The following TAB2 variants were observed in gnomAD, a reference collection of about 807,000 sequenced individuals.
TAB2 encodes the protein TGF-beta activated kinase 1 (MAP3K7) binding protein 2.
Under a neutral mutation model 65.0 loss-of-function variants are expected in TAB2, and 3 were observed. The observed-to-expected ratio is 0.05, with a 90% CI of 0.02 to 0.12. TAB2 has a LOEUF of 0.12. TAB2 is among the 10% of genes least tolerant of loss of function. TAB2 has a pLI of 1.00. For synonymous variants in TAB2, 298 were observed against 285.1 expected (o/e 1.05, Z -0.46); for missense variants, 623 against 840.3 (o/e 0.74, Z 3.20).
At chr6:149,282,991 C>A (rs1419772369) in intron 1 of TAB2, among the ~76,000 whole-genome samples, 1 of 152,116 alleles carries the variant, frequency 6.6e-6, no homozygotes, top group Non-Finnish European at 1.5e-5. Context: ...ATTCTTTAAA[C>A]CTTTCACGAA....
intron 3 of TAB2, among the ~76,000 whole-genome samples, chr6:149,381,748 A>AT (rs900180294): frequency 7.3e-5 from 11 of 150,886 alleles, no homozygotes; most frequent in Non-Finnish European, 1.0e-4. Context: ...AACTTTTTGT[A>AT]TTTTTTTGCA....
intron 2 of TAB2, among the ~76,000 whole-genome samples, chr6:149,371,883 AGT>A: frequency 6.6e-6 from 1 of 152,334 alleles, no homozygotes; most frequent in South Asian, 2.1e-4. Context: ...GTTAAAAGAA[AGT>A]GTGGGAAAGG....
chr6:149,229,619 C>T (rs180836373), intron 1 of TAB2, among the ~76,000 whole-genome samples: 178 of 152,058 alleles, frequency 1.2e-3, no homozygotes, highest in African/African-American at 4.1e-3. Flanking sequence ...CAGCAGGGCA[C>T]GTAAAGGAGG....
At chr6:149,268,588 A>G (rs2114673730) in intron 1 of TAB2, among the ~76,000 whole-genome samples, 1 of 152,358 alleles carries the variant, frequency 6.6e-6, no homozygotes, top group South Asian at 2.1e-4. Flanking sequence ...AATTGGACTT[A>G]GTGTAACATC....
intron 2 of TAB2, among the ~76,000 whole-genome samples, chr6:149,374,514 G>A (rs903919638): frequency 1.3e-5 from 2 of 152,134 alleles, no homozygotes; most frequent in Non-Finnish European, 2.9e-5. Context: ...GAGCCACTGC[G>A]CCTGGCCAAA....
rs960822095 is a variant in TAB2, at chr6:149,411,078, T to C, written c.*1359T>C. The C allele has an allele frequency of 2.6e-5, 4 of 152,638 alleles. No individual in the cohort carries two copies. Among genetic ancestry groups the C allele is most frequent in the Non-Finnish European group, 4.4e-5 (3 of 68,044 alleles). 9.5% of individuals were successfully genotyped at this position (152,638 alleles called of 1,614,324 possible). A position where few individuals can be genotyped will look rare whatever the true frequency, so the allele number is the denominator to read the frequency against. ...CAAGCATCTCTTTATTTTGATGATA[T>C]ATTTTTGTAAGGAAAATATTCAGAT... is the stretch of plus-strand genomic sequence containing the variant. On this transcript the variant is annotated 3_prime_UTR_variant, in exon 7 of 7. Coordinates refer to ENST00000637181, the MANE Select transcript of TAB2 (RefSeq NM_001292034.3).
chr6:149,404,138 A>C (rs1782581774), intron 6 of TAB2, among the ~76,000 whole-genome samples: 1 of 152,224 alleles, frequency 6.6e-6, no homozygotes, highest in Non-Finnish European at 1.5e-5. Context: ...ATTGCAAGAC[A>C]CAAAAACAAT....
intron 1 of TAB2, among the ~76,000 whole-genome samples, chr6:149,277,533 G>GATT (rs1174628611): frequency 6.6e-6 from 1 of 152,096 alleles, no homozygotes; most frequent in Non-Finnish European, 1.5e-5. Flanking sequence ...TAACACCAGT[G>GATT]ATTACCAATT....
At chr6:149,267,972 T>G (rs1344328124) in intron 1 of TAB2, among the ~76,000 whole-genome samples, 1 of 152,230 alleles carries the variant, frequency 6.6e-6, no homozygotes, top group Admixed American at 6.5e-5. Flanking sequence ...GTCAAATTAA[T>G]GAATTAGTAT....
At chr6:149,403,538 A>G (rs1782557097) in intron 6 of TAB2, among the ~76,000 whole-genome samples, 1 of 151,696 alleles carries the variant, frequency 6.6e-6, no homozygotes, top group South Asian at 2.1e-4. Context: ...GTTCTAATGT[A>G]GTATCCATTT....
rs181576191 is a variant in TAB2, at chr6:149,302,104, T to C, written c.-120-75914T>C. ...AACTTACAGCCTGTTCTGTTTCATA[T>C]AGGTATTCAAAAATATGTCCAAGAT... On this transcript the variant is annotated intron_variant, in intron 1 of 1. Coordinates refer to the TAB2 transcript ENST00000606202. Among the ~76,000 whole-genome samples the C allele has an allele frequency of 5.9e-5, 9 of 152,260 alleles. No individual in the cohort carries two copies. The East Asian group carries it at 1.3e-3, about 23-fold the overall frequency.
intron 2 of TAB2, among the ~76,000 whole-genome samples, chr6:149,376,869 TA>T (rs1271363336): frequency 6.7e-6 from 1 of 149,372 alleles, no homozygotes; most frequent in African/African-American, 2.5e-5. Flanking sequence ...GAGAATTCTT[TA>T]AAAACAATCT....
intron 1 of TAB2, among the ~76,000 whole-genome samples, chr6:149,273,087 C>T (rs559483808): frequency 6.6e-5 from 10 of 152,052 alleles, no homozygotes; most frequent in South Asian, 6.2e-4. Context: ...TGGTCCCTGG[C>T]GACAAAAGCA....
intron 6 of TAB2, among the ~76,000 whole-genome samples, chr6:149,404,256 A>G (rs1782586478): frequency 6.6e-6 from 1 of 152,226 alleles, no homozygotes; most frequent in African/African-American, 2.4e-5. Context: ...GAATACGCTG[A>G]AAATTATAAA....
At position 149,375,414 on chromosome 6, in the gene TAB2, A is replaced by G. The variant is rs142419807; in HGVS notation, c.103-2604A>G. Among the ~76,000 whole-genome samples, 56 of 152,308 alleles carry G rather than the reference A, an allele frequency of 3.7e-4. No individual in the cohort carries two copies. The East Asian group carries it at 0.01, about 28-fold the overall frequency. ...GAGTGTAAATAATTTGAGTGCACATAAATTATGGCATAACTGAGCTAGAAT... is the reference window on the plus strand; with the variant it reads ...GAGTGTAAATAATTTGAGTGCACATGAATTATGGCATAACTGAGCTAGAAT... On this transcript the variant is annotated intron_variant, in intron 2 of 6. Transcript: ENST00000637181.
chr6:149,368,869 G>T (rs999927621), intron 1 of TAB2, among the ~76,000 whole-genome samples: 3 of 152,020 alleles, frequency 2.0e-5, no homozygotes, highest in Non-Finnish European at 2.9e-5. Flanking sequence ...GAGCACTGAG[G>T]AGTTCTATAA....
chr6:149,332,961 A>G (rs1277327292), intron 1 of TAB2, among the ~76,000 whole-genome samples: 2 of 152,156 alleles, frequency 1.3e-5, no homozygotes, highest in African/African-American at 4.8e-5. Flanking sequence ...CCTTATTGAT[A>G]ATTTATATCT....
In TAB2 at chr6:149,353,372, GAA is replaced by G. The variant is rs1473390976; in HGVS notation, c.-89-16535_-89-16534del. 3.3e-5 allele frequency among the ~76,000 whole-genome samples: 5 copies of G among 152,180 alleles called. No homozygotes were observed. In the East Asian group the frequency reaches 9.6e-4, roughly 29 times the overall value. On this transcript the variant is annotated intron_variant, in intron 1 of 6. Coordinates refer to ENST00000637181, the MANE Select transcript of TAB2 (RefSeq NM_001292034.3). ...AGCACGAAAAGGTGTACAGTGAAGA[GAA>G]AGTTTCTTAAGTCTTCCTCTCCAGC...
chr6:149,257,035 C>A (rs917718216), intron 1 of TAB2, among the ~76,000 whole-genome samples: 1 of 152,208 alleles, frequency 6.6e-6, no homozygotes, highest in South Asian at 2.1e-4. Context: ...AGCTAGAAAC[C>A]ACACAACCAT....
Sources: gnomAD v4.1 joint callset for allele counts (sites outside exome capture counted in the v4.1 genomes callset) on GRCh38, gnomAD v4.1.1 for gene constraint, MANE v1.5 for transcripts, NCBI Gene and HGNC (gene_info 2026-07-23, HGNC 2026-07-21) for gene names.